GMDS: variants seen among roughly 807,000 people sequenced by gnomAD.
GMDS encodes GDP-mannose 4,6-dehydratase.
A neutral mutation model predicts 49.9 loss-of-function variants in GMDS; 20 were observed. The observed-to-expected ratio is 0.40, with a 90% confidence interval of 0.28 to 0.58. The LOEUF is 0.58. GMDS is among the 20% of genes least tolerant of loss of function. The pLI is 0.42. For missense variants in GMDS, 362 were observed against 481.4 expected (o/e 0.75, Z 2.32); for synonymous variants, 177 against 178.6 (o/e 0.99, Z 0.07).
At chr6:1,861,240 C>T (rs1213509592) in intron 7 of GMDS, among the ~76,000 whole-genome samples, 3 of 152,198 alleles carry the variant, frequency 2.0e-5, no homozygotes, top group Non-Finnish European at 4.4e-5. Flanking sequence ...AAGTTCTGGG[C>T]TCAGTCCTGT....
intron 1 of GMDS, among the ~76,000 whole-genome samples, chr6:2,181,942 CCAA>C (rs1778559652): frequency 6.6e-6 from 1 of 152,214 alleles, no homozygotes; most frequent in Non-Finnish European, 1.5e-5. Flanking sequence ...AAAGACATGT[CCAA>C]AGTCAAGACC....
intron 9 of GMDS, among the ~76,000 whole-genome samples, chr6:1,713,710 G>A (rs192673905): frequency 1.2e-3 from 177 of 152,284 alleles, no homozygotes; most frequent in African/African-American, 4.0e-3. Context: ...TTGGCGGCAT[G>A]AAGCACAAAC....
chr6:1,981,111 C>G (rs988050209), intron 4 of GMDS, among the ~76,000 whole-genome samples: 3 of 151,788 alleles, frequency 2.0e-5, no homozygotes, highest in Admixed American at 6.6e-5. Context: ...AATTAACAAC[C>G]TAACATCAGA....
intron 4 of GMDS, among the ~76,000 whole-genome samples, chr6:2,067,260 A>G (rs1771664763): frequency 6.6e-6 from 1 of 152,182 alleles, no homozygotes; most frequent in Non-Finnish European, 1.5e-5. Flanking sequence ...GACGCATGCA[A>G]AGCAGTATGT....
chr6:1,714,237 C>T (rs1766090292), intron 9 of GMDS, among the ~76,000 whole-genome samples: 1 of 152,090 alleles, frequency 6.6e-6, no homozygotes, highest in African/African-American at 2.4e-5. Flanking sequence ...TCAGGATGGT[C>T]TCGATCTCCT....
At chr6:2,188,483 G>A (rs900510454) in intron 1 of GMDS, among the ~76,000 whole-genome samples, 1 of 152,128 alleles carries the variant, frequency 6.6e-6, no homozygotes, top group Admixed American at 6.5e-5. Context: ...TGATATGGAC[G>A]GGGATTCATT....
chr6:1,857,064 C>T (rs899480878), intron 7 of GMDS, among the ~76,000 whole-genome samples: 6 of 152,156 alleles, frequency 3.9e-5, no homozygotes, highest in Non-Finnish European at 8.8e-5. Flanking sequence ...CTGTGCTTTC[C>T]AGAGGGAATG....
chr6:1,716,946 A>G (rs1766197520), intron 9 of GMDS, among the ~76,000 whole-genome samples: 1 of 152,208 alleles, frequency 6.6e-6, no homozygotes, highest in African/African-American at 2.4e-5. Flanking sequence ...TGTGTACATT[A>G]TGCAATTTTA....
At chr6:1,938,268 T>A (rs959219389) in intron 6 of GMDS, among the ~76,000 whole-genome samples, 1 of 152,242 alleles carries the variant, frequency 6.6e-6, no homozygotes, top group Non-Finnish European at 1.5e-5. Flanking sequence ...CTTCTTATAA[T>A]TTCAGACTGA....
intron 1 of GMDS, among the ~76,000 whole-genome samples, chr6:2,244,745 A>G (rs769767489): frequency 1.3e-5 from 2 of 152,044 alleles, no homozygotes; most frequent in Non-Finnish European, 2.9e-5. Flanking sequence ...TGATTTTAAA[A>G]AGTTTTTTAA....
intron 7 of GMDS, among the ~76,000 whole-genome samples, chr6:1,768,422 A>G (rs2113572855): frequency 6.6e-6 from 1 of 152,368 alleles, no homozygotes; most frequent in East Asian, 1.9e-4. Context: ...CAATATTGCC[A>G]GCTACTACCA....
intron 1 of GMDS, among the ~76,000 whole-genome samples, chr6:2,232,631 T>C (rs1012056366): frequency 2.6e-5 from 4 of 152,158 alleles, no homozygotes; most frequent in Non-Finnish European, 5.9e-5. Context: ...CAGAAATCTA[T>C]GAAAGGTACA....
chr6:2,230,015 A>ACCC (rs1185698594), intron 1 of GMDS, among the ~76,000 whole-genome samples: 1 of 143,860 alleles, frequency 7.0e-6, no homozygotes, highest in Non-Finnish European at 1.5e-5. Flanking sequence ...TCCTCTGAAG[A>ACCC]CCTCCCTCCA....
rs1390065612 is a variant in GMDS at position 1,766,383 on chromosome 6, A to G, written c.772-23797T>C. On this transcript the variant is annotated intron_variant, in intron 7 of 10. Transcript: ENST00000380815. The surrounding 1 kb of genome is among the most constrained non-coding windows in gnomAD (Gnocchi z 4.5). ...GGGGAAAGGCTCTGCGTTAGAACCC[A>G]CACCTTCCGTCTCCCGGGCCAGGTC... is the stretch of plus-strand genomic sequence containing the variant. Among the ~76,000 whole-genome samples, 1 of 152,144 alleles carries G rather than the reference A, an allele frequency of 6.6e-6. No individual in the cohort carries two copies. The highest frequency in any genetic ancestry group is 2.4e-5 in the African/African-American group (1 of 41,420).
At chr6:1,730,455 A>G (rs1766747208) in intron 8 of GMDS, among the ~76,000 whole-genome samples, 1 of 152,160 alleles carries the variant, frequency 6.6e-6, no homozygotes, top group Admixed American at 6.5e-5. Flanking sequence ...AATGCTCAGG[A>G]AGTGAGACCT....
chr6:1,806,317 G>A (rs576103453), intron 7 of GMDS, among the ~76,000 whole-genome samples: 46 of 152,182 alleles, frequency 3.0e-4, no homozygotes, highest in Admixed American at 2.7e-3. Flanking sequence ...CTCGGTTTTG[G>A]ATTAGAGAGG....
At chr6:1,936,093 G>T (rs917468890) in intron 6 of GMDS, among the ~76,000 whole-genome samples, 2 of 152,152 alleles carry the variant, frequency 1.3e-5, no homozygotes, top group Non-Finnish European at 2.9e-5. Flanking sequence ...CTAGAACCGT[G>T]TCTAACACAC....
At chr6:1,955,255 T>G (rs147499903) in intron 6 of GMDS, among the ~76,000 whole-genome samples, 351 of 152,314 alleles carry the variant, frequency 2.3e-3, no homozygotes, top group African/African-American at 8.2e-3. Context: ...TTAATTATAA[T>G]ACAGTATGAT....
intron 7 of GMDS, among the ~76,000 whole-genome samples, chr6:1,894,480 T>G (rs554441425): frequency 6.6e-6 from 1 of 152,302 alleles, no homozygotes; most frequent in African/African-American, 2.4e-5. Flanking sequence ...ATTAAAACAT[T>G]AAGAGAACAA....
Sources: allele counts gnomAD v4.1 joint callset (sites outside exome capture counted in the v4.1 genomes callset), GRCh38; gene constraint gnomAD v4.1.1; non-coding constraint Gnocchi (gnomAD v3.1); transcripts MANE v1.5; gene names NCBI Gene and HGNC (gene_info 2026-07-23, HGNC 2026-07-21).